The following NEGR1 variants were observed in gnomAD, a reference collection of about 807,000 sequenced individuals.
The protein encoded by NEGR1 is neuronal growth regulator 1.
In NEGR1, 10 loss-of-function variants were observed where a neutral mutation model predicts 40.9. That is an observed-to-expected ratio of 0.24 (90% CI 0.15 to 0.42). NEGR1 has a LOEUF of 0.42. Among genes scored for constraint, NEGR1 ranks in the 10% least tolerant of loss-of-function variants. NEGR1 has a pLI of 1.00. For synonymous variants in NEGR1, 185 were observed against 166.8 expected (o/e 1.11, Z -0.84); for missense variants, 352 against 438.9 (o/e 0.80, Z 1.77).
intron 2 of NEGR1, among the ~76,000 whole-genome samples, chr1:71,906,477 TA>T (rs368464744): frequency 0.046 from 6,453 of 140,898 alleles, 386 homozygotes; most frequent in African/African-American, 0.14. Flanking sequence ...GGCCAAGGAT[TA>T]AAAAAAAAAA....
intron 3 of NEGR1, among the ~76,000 whole-genome samples, chr1:71,750,495 G>A (rs1655536538): frequency 6.6e-6 from 1 of 152,120 alleles, no homozygotes; most frequent in African/African-American, 2.4e-5. Flanking sequence ...GTTCCACATG[G>A]CTGGGGAGGC....
rs868093811 is a variant in NEGR1, at chr1:71,399,409, T to G, written c.*8037A>C. 1 of 152,222 alleles carries G rather than the reference T, an allele frequency of 6.6e-6. No individual in the cohort carries two copies. 9.4% of individuals were successfully genotyped at this position (152,222 alleles called of 1,614,324 possible). On this transcript the variant is annotated 3_prime_UTR_variant, in exon 7 of 7. Coordinates refer to ENST00000357731, the MANE Select transcript of NEGR1 (RefSeq NM_173808.3). ...GAAATTAATTTATTCCAAATTTTTTTAAAAATCTGCTTTTCTCCATGTCAG... is the reference window on the plus strand; with the variant it reads ...GAAATTAATTTATTCCAAATTTTTTGAAAAATCTGCTTTTCTCCATGTCAG...
At chr1:72,224,728 C>T (rs948218164) in intron 1 of NEGR1, among the ~76,000 whole-genome samples, 1 of 151,802 alleles carries the variant, frequency 6.6e-6, no homozygotes, top group Non-Finnish European at 1.5e-5. Flanking sequence ...CAAAACAATA[C>T]TACCTCCAAT....
chr1:71,915,390 T>C lies in NEGR1; in HGVS notation c.409+19689A>G, dbSNP rs1490985239. On this transcript the variant is annotated intron_variant, in intron 2 of 6. Transcript: ENST00000357731. The stretch of plus-strand genomic sequence containing the variant: ...TTGACACATCTATTGAATAAGAAGT[T>C]AGAGTAATAAATAAAAGGAGAAATT... Among the ~76,000 whole-genome samples, 4 of 152,154 alleles carry C rather than the reference T, an allele frequency of 2.6e-5. No individual in the cohort carries two copies. The East Asian group carries it at 5.8e-4, about 22-fold the overall frequency.
intron 6 of NEGR1, among the ~76,000 whole-genome samples, chr1:71,440,291 C>T (rs1442437745): frequency 6.6e-6 from 1 of 152,200 alleles, no homozygotes; most frequent in Non-Finnish European, 1.5e-5. Context: ...TATAAATTCT[C>T]ATGAGCATTG....
At chr1:71,465,969 A>C (rs962282330) in intron 6 of NEGR1, among the ~76,000 whole-genome samples, 5 of 152,078 alleles carry the variant, frequency 3.3e-5, no homozygotes, top group Non-Finnish European at 7.4e-5. Context: ...AATGTTAGAG[A>C]TGAGCATTTT....
At chr1:72,198,418 G>A (rs974822110) in intron 1 of NEGR1, among the ~76,000 whole-genome samples, 5 of 151,994 alleles carry the variant, frequency 3.3e-5, no homozygotes, top group Non-Finnish European at 7.4e-5. Flanking sequence ...CTAGCAACAA[G>A]GTGGAAGGAG....
At chr1:71,636,968 T>C (rs1266494578) in intron 4 of NEGR1, among the ~76,000 whole-genome samples, 5 of 152,086 alleles carry the variant, frequency 3.3e-5, no homozygotes, top group East Asian at 1.9e-4. Context: ...CAAGTATTTA[T>C]GTACGGAATA....
chr1:72,187,941 T>C (rs1350185689), intron 1 of NEGR1, among the ~76,000 whole-genome samples: 1 of 151,478 alleles, frequency 6.6e-6, no homozygotes, highest in Non-Finnish European at 1.5e-5. Context: ...CTTACATGTA[T>C]GATTCATGTA....
In NEGR1 at chr1:71,696,521, C is replaced by A. The variant is rs555827375; in HGVS notation, c.667+1487G>T. The stretch of plus-strand genomic sequence containing the variant: ...CTTAGTGCTCACTGCTAAAAATATT[C>A]TTTCCTTAGTAGATATATGTCTCTC... On this transcript the variant is annotated intron_variant, in intron 4 of 6. Coordinates refer to ENST00000357731, the MANE Select transcript of NEGR1 (RefSeq NM_173808.3). Among the ~76,000 whole-genome samples, 7 of 151,846 alleles carry A rather than the reference C, an allele frequency of 4.6e-5. No individual in the cohort carries two copies. The East Asian group carries it at 9.7e-4, about 21-fold the overall frequency.
In NEGR1 at chr1:71,508,794, G is replaced by A. The variant is rs141446775; in HGVS notation, c.940+84023C>T. On this transcript the variant is annotated intron_variant, in intron 6 of 6. Transcript: ENST00000357731. ...AAAGATTAAACTGCATCTGTCCAGG[G>A]GCTCCCCGCCAGATAACTGCCAGAA... Among the ~76,000 whole-genome samples, 250 of 152,232 alleles carry A rather than the reference G, an allele frequency of 1.6e-3. 7 individuals carry two copies. The East Asian group carries it at 0.031, about 19-fold the overall frequency.
intron 2 of NEGR1, among the ~76,000 whole-genome samples, chr1:71,803,320 C>T (rs1657629084): frequency 6.6e-6 from 1 of 152,120 alleles, no homozygotes; most frequent in Non-Finnish European, 1.5e-5. Context: ...GAAACCATCC[C>T]TAATAGCATC....
At chr1:72,272,654 G>A (rs768063474) in intron 1 of NEGR1, among the ~76,000 whole-genome samples, 18 of 151,828 alleles carry the variant, frequency 1.2e-4, no homozygotes, top group Non-Finnish European at 1.8e-4. Flanking sequence ...TATTTTCCAT[G>A]GCCCTTTAAG....
chr1:72,228,549 A>C (rs982865841), intron 1 of NEGR1, among the ~76,000 whole-genome samples: 2 of 152,064 alleles, frequency 1.3e-5, no homozygotes, highest in African/African-American at 4.8e-5. Context: ...CTCTTCACAT[A>C]TATCTCCTAT....
At chr1:72,024,179 C>T (rs373426202) in intron 1 of NEGR1, among the ~76,000 whole-genome samples, 2 of 152,110 alleles carry the variant, frequency 1.3e-5, no homozygotes, top group Admixed American at 1.3e-4. Flanking sequence ...CCTGATTTAT[C>T]ACTGATTAAC....
chr1:71,527,247 T>C (rs954696828), intron 6 of NEGR1, among the ~76,000 whole-genome samples: 2 of 151,576 alleles, frequency 1.3e-5, no homozygotes, highest in East Asian at 3.9e-4. Flanking sequence ...CACATTCAGA[T>C]GCTCAATAAT....
At position 71,398,705 on chromosome 1, in the gene NEGR1, A is replaced by C. The variant is rs1646227421; in HGVS notation, c.*8741T>G. On this transcript the variant is annotated 3_prime_UTR_variant, in exon 7 of 7. Coordinates refer to ENST00000357731, the MANE Select transcript of NEGR1 (RefSeq NM_173808.3). The stretch of plus-strand genomic sequence containing the variant: ...TGTTGGGAAAGCATGATTGGTTTTG[A>C]AATGTGAGGACATGAGATTTGGGAG... The C allele has an allele frequency of 6.6e-6, 1 of 152,112 alleles. No individual in the cohort carries two copies. Among genetic ancestry groups the C allele is most frequent in the Admixed American group, 6.6e-5 (1 of 15,266 alleles). 9.4% of individuals were successfully genotyped at this position (152,112 alleles called of 1,614,324 possible).
intron 5 of NEGR1, among the ~76,000 whole-genome samples, chr1:71,593,690 C>T (rs985005580): frequency 3.9e-5 from 6 of 152,206 alleles, no homozygotes; most frequent in Admixed American, 1.3e-4. Context: ...CAGAGGCCCT[C>T]ACTCTGAAAT....
At chr1:72,202,592 TAGA>T (rs1188714161) in intron 1 of NEGR1, among the ~76,000 whole-genome samples, 1 of 151,976 alleles carries the variant, frequency 6.6e-6, no homozygotes, top group African/African-American at 2.4e-5. Flanking sequence ...GTGGTCTGGA[TAGA>T]AGGTTAAGCC....
Sources: allele counts gnomAD v4.1 joint callset (sites outside exome capture counted in the v4.1 genomes callset), GRCh38; gene constraint gnomAD v4.1.1; transcripts MANE v1.5; gene names NCBI Gene and HGNC (gene_info 2026-07-23, HGNC 2026-07-21).